UBA5: variants seen among roughly 807,000 people sequenced by gnomAD.
UBA5 encodes the protein ubiquitin-like modifier-activating enzyme 5.
A neutral mutation model predicts 52.9 loss-of-function variants in UBA5; 28 were observed. The observed-to-expected ratio is 0.53, with a 90% CI of 0.39 to 0.73. The LOEUF (loss-of-function observed/expected upper bound fraction) is 0.73. UBA5 is among the 30% of genes least tolerant of loss of function. The pLI is 0.00. For missense variants in UBA5, 388 were observed against 492.7 expected (o/e 0.79, Z 2.01); for synonymous variants, 135 against 162.1 (o/e 0.83, Z 1.27).
intron 8 of UBA5, among the ~76,000 whole-genome samples, chr3:132,672,574 T>C (rs1938650459): frequency 6.6e-6 from 1 of 152,168 alleles, no homozygotes; most frequent in Non-Finnish European, 1.5e-5. Flanking sequence ...AACACACTTG[T>C]TTCTACTATC....
intron 11 of UBA5, 34 bp downstream of exon 11, chr3:132,675,957 TATC>T (rs1354502262): frequency 6.1e-6 from 8 of 1,318,070 alleles, no homozygotes; most frequent in African/African-American, 3.0e-5. Context: ...CATATGTAAA[TATC>T]ATATAAAATA....
In UBA5 at chr3:132,670,256, A is replaced by G; in HGVS notation, c.466A>G (p.Asn156Asp). 6.7e-7 allele frequency: 1 copy of G among 1,484,140 alleles called. No homozygotes were observed. Among genetic ancestry groups the G allele is most frequent in the Non-Finnish European group, 9.3e-7 (1 of 1,072,708 alleles). The allele number at this position is 1,484,140 out of a possible 1,614,324, so 91.9% of individuals were successfully genotyped here. A position where few individuals can be genotyped will look rare whatever the true frequency, so the allele number is the denominator to read the frequency against. ...CAACTATAATATAACCACAGTGGAAAACTTTCAACATTTCATGGATAGAAT... is the reference window on the plus strand; with the variant it reads ...CAACTATAATATAACCACAGTGGAAGACTTTCAACATTTCATGGATAGAAT... The part of the protein sequence containing the change: ...VHNYNITTVE[N>D]FQHFMDRISN... The change falls in exon 5 of 12, where the codon AAC (asparagine) becomes GAC (aspartate). Residue 156 changes from asparagine (N) to aspartate (D), a missense_variant. Around this residue, in one of 3 missense-constraint regions of UBA5, gnomAD observed 277 missense variants for 326.4 expected, o/e 0.85. Coordinates refer to ENST00000356232, the MANE Select transcript of UBA5 (RefSeq NM_024818.6).
At chr3:132,659,374 T>C, upstream of UBA5, 2 of 548,830 alleles carry the variant, frequency 3.6e-6, no homozygotes, top group East Asian at 6.9e-5. Flanking sequence ...TTCCTTTGGA[T>C]AGTAGAATGG....
In UBA5 at chr3:132,678,340, G is replaced by GA. The variant is rs1201701817; in HGVS notation, c.*1819dup. On this transcript the variant is annotated 3_prime_UTR_variant, in exon 12 of 12. Transcript: ENST00000356232. ...CTTGCATAAGAAGGCAGCTGATTAC[G>GA]AAAAATTAATCATCATTGAATTTAG... 1.3e-5 allele frequency among the ~76,000 whole-genome samples: 2 copies of GA among 152,078 alleles called. No individual in the cohort carries two copies. The highest frequency in any genetic ancestry group is 4.8e-5 in the African/African-American group (2 of 41,418).
chr3:132,669,680 T>G (rs1326113599), intron 4 of UBA5, among the ~76,000 whole-genome samples: 1 of 152,188 alleles, frequency 6.6e-6, no homozygotes, highest in Non-Finnish European at 1.5e-5. Flanking sequence ...TGGGCCAGAT[T>G]TGGCCCATGG....
At chr3:132,661,648 T>C (rs1242814025) in intron 1 of UBA5, among the ~76,000 whole-genome samples, 1 of 152,210 alleles carries the variant, frequency 6.6e-6, no homozygotes, top group Non-Finnish European at 1.5e-5. Flanking sequence ...CATGCCTTGG[T>C]AGTAAATAAT....
chr3:132,665,397 T>C (rs112319582), intron 1 of UBA5, among the ~76,000 whole-genome samples: 1 of 152,090 alleles, frequency 6.6e-6, no homozygotes, highest in African/African-American at 2.4e-5. Flanking sequence ...ACTAAAAGTA[T>C]ACATCATCTA....
At chr3:132,675,130 T>G (rs1938775138) in intron 8 of UBA5, 118 bp from the exon 9 acceptor site, 1 of 757,500 alleles carries the variant, frequency 1.3e-6, no homozygotes, top group African/African-American at 1.8e-5. Context: ...AGATTTCTGT[T>G]TTCTGGTTAA....
At chr3:132,659,430 C>T, upstream of UBA5, 1 of 833,668 alleles carries the variant, frequency 1.2e-6, no homozygotes, top group South Asian at 1.9e-5. Context: ...TGGGAAGCCC[C>T]CAGCATCGAA....
At chr3:132,663,274 C>G (rs1938243013) in intron 1 of UBA5, among the ~76,000 whole-genome samples, 1 of 152,068 alleles carries the variant, frequency 6.6e-6, no homozygotes, top group Non-Finnish European at 1.5e-5. Flanking sequence ...GAAACAAAAG[C>G]CCCAGATCCC....
upstream of UBA5, among the ~76,000 whole-genome samples, chr3:132,656,005 GA>G (rs1184878684): frequency 6.6e-6 from 1 of 152,136 alleles, no homozygotes; most frequent in East Asian, 1.9e-4. Flanking sequence ...TCACTACCCG[GA>G]GAAAATTACT....
At position 132,668,864 on chromosome 3, in the gene UBA5, G is replaced by C. The variant is rs1430576033; in HGVS notation, c.344G>C (p.Arg115Thr). 6.2e-7 allele frequency: 1 copy of C among 1,611,566 alleles called. No homozygotes were observed. Among genetic ancestry groups the C allele is most frequent in the Non-Finnish European group, 8.5e-7 (1 of 1,179,350 alleles). Reference protein sequence around the residue: ...YDKVELANMNRLFFQPHQAGL... With the variant: ...YDKVELANMNTLFFQPHQAGL... ...AAGGTGGAACTAGCCAATATGAATA[G>C]ACTTTTCTTCCAACCTCATCAAGCA... is the stretch of plus-strand genomic sequence containing the variant. The change falls in exon 4 of 12, where the codon AGA (arginine) becomes ACA (threonine). Residue 115 changes from arginine (R) to threonine (T), a missense_variant. Arg to Thr is a moderately conservative substitution (Grantham distance 71). Around this residue, in one of 3 missense-constraint regions of UBA5, gnomAD observed 16 missense variants for 59.3 expected, o/e 0.27. Transcript: ENST00000356232.
chr3:132,666,607 T>C (rs371450367), intron 3 of UBA5, among the ~76,000 whole-genome samples: 19 of 152,256 alleles, frequency 1.2e-4, no homozygotes, highest in African/African-American at 3.4e-4. Flanking sequence ...GAGTCTATGA[T>C]GTTAGATACA....
At chr3:132,670,397 A>T (rs1162324587) in intron 5 of UBA5, 113 bp downstream of exon 5, 9 of 526,346 alleles carry the variant, frequency 1.7e-5, no homozygotes, top group East Asian at 1.4e-4. Context: ...ATATTTTTCC[A>T]TTTTTTTAGT....
At chr3:132,665,149 T>C (rs1938322184) in intron 1 of UBA5, among the ~76,000 whole-genome samples, 1 of 152,030 alleles carries the variant, frequency 6.6e-6, no homozygotes, top group Admixed American at 6.6e-5. Context: ...ATTCACGTAA[T>C]TGACTAAAAC....
upstream of UBA5, chr3:132,660,234 T>C (rs1052631756): frequency 2.7e-5 from 14 of 524,512 alleles, no homozygotes; most frequent in African/African-American, 1.4e-4. This position sits in a 1 kb window ranked among gnomAD's most constrained non-coding sequence, Gnocchi z 4.1. Context: ...TGGACACTTA[T>C]CACCCCGGTG....
chr3:132,664,640 T>C (rs1303113110), intron 1 of UBA5, among the ~76,000 whole-genome samples: 2 of 152,162 alleles, frequency 1.3e-5, no homozygotes, highest in Non-Finnish European at 2.9e-5. Context: ...TGCATTTCTA[T>C]TAAATTCTCA....
Position 132,676,171 on chromosome 3 carries a change from G to T in UBA5, c.1131+248G>T, listed in dbSNP as rs1332570949. Among the ~76,000 whole-genome samples, 1 of 152,020 alleles carries T rather than the reference G, an allele frequency of 6.6e-6. No individual in the cohort carries two copies. The highest frequency in any genetic ancestry group is 1.5e-5 in the Non-Finnish European group (1 of 67,920). On this transcript the variant is annotated intron_variant, in intron 11 of 11. Transcript: ENST00000356232. The surrounding 1 kb of genome is among the most constrained non-coding windows in gnomAD (Gnocchi z 4.1). ...GTATAGTAGATTTTGATTAAATGAA[G>T]ATCTCATTTTTGTTTATCGGTAGTT...
intron 8 of UBA5, 101 bp from the exon 9 acceptor site, chr3:132,675,147 T>C (rs1938777085): frequency 3.5e-6 from 3 of 852,674 alleles, no homozygotes; most frequent in Non-Finnish European, 5.3e-6. Context: ...TTAAAAAAAA[T>C]ATATAATTAC....
Sources: gnomAD v4.1 joint callset for allele counts (sites outside exome capture counted in the v4.1 genomes callset) on GRCh38, gnomAD v4.1.1 for gene constraint, gnomAD v4.1.1 regional missense constraint, Gnocchi (gnomAD v3.1) non-coding constraint, MANE v1.5 for transcripts, NCBI Gene and HGNC (gene_info 2026-07-23, HGNC 2026-07-21) for gene names.